DOCK1: variants seen among roughly 807,000 people sequenced by gnomAD.
The protein encoded by DOCK1 is dedicator of cytokinesis protein 1.
A neutral mutation model predicts 262.7 loss-of-function variants in DOCK1; 138 were observed. The ratio of observed to expected loss-of-function variants is 0.53; its 90% CI spans 0.46 to 0.61. The LOEUF (loss-of-function observed/expected upper bound fraction) is 0.61. Ranked by LOEUF, DOCK1 falls within the 20% of genes least tolerant of loss-of-function variation. The pLI is 0.00. For missense variants in DOCK1, 1,908 were observed against 2,370.7 expected (o/e 0.80, Z 4.05); for synonymous variants, 866 against 867.4 (o/e 1.00, Z 0.03).
intron 29 of DOCK1, among the ~76,000 whole-genome samples, chr10:127,286,474 A>G (rs776725238): frequency 2.0e-5 from 3 of 152,226 alleles, no homozygotes; most frequent in Admixed American, 6.5e-5. Context: ...TCATACATGT[A>G]CAGAAGTAGA....
intron 47 of DOCK1, among the ~76,000 whole-genome samples, chr10:127,431,437 T>C (rs989974890): frequency 1.3e-5 from 2 of 152,190 alleles, no homozygotes; most frequent in African/African-American, 4.8e-5. Flanking sequence ...CTCACACATC[T>C]CAACCAAGAC....
At chr10:127,010,047 G>C (rs1010121396) in intron 11 of DOCK1, among the ~76,000 whole-genome samples, 2 of 152,204 alleles carry the variant, frequency 1.3e-5, no homozygotes, top group African/African-American at 4.8e-5. Flanking sequence ...TGAGCTGGGA[G>C]TCAGGGTTAA....
intron 29 of DOCK1, among the ~76,000 whole-genome samples, chr10:127,288,787 A>ACG (rs893478531): frequency 1.3e-5 from 2 of 150,364 alleles, no homozygotes; most frequent in East Asian, 3.9e-4. Context: ...ACACACACAC[A>ACG]CACACACACA....
At chr10:127,263,117 G>A (rs1042892042) in intron 29 of DOCK1, among the ~76,000 whole-genome samples, 7 of 152,122 alleles carry the variant, frequency 4.6e-5, no homozygotes, top group Non-Finnish European at 7.4e-5. Context: ...TTTCCACAAG[G>A]TTTACTGCTT....
intron 30 of DOCK1, among the ~76,000 whole-genome samples, chr10:127,340,250 G>A (rs1364455605): frequency 1.3e-5 from 2 of 152,084 alleles, no homozygotes; most frequent in Non-Finnish European, 2.9e-5. Flanking sequence ...CAATATATAT[G>A]TGCTGAATAT....
At chr10:126,965,464 G>C (rs1405393356) in intron 1 of DOCK1, among the ~76,000 whole-genome samples, 1 of 152,162 alleles carries the variant, frequency 6.6e-6, no homozygotes, top group East Asian at 1.9e-4. Context: ...AAGGTAACTG[G>C]TGATGGAGAG....
intron 29 of DOCK1, among the ~76,000 whole-genome samples, chr10:127,288,642 C>A (rs2061242288): frequency 6.6e-6 from 1 of 151,704 alleles, no homozygotes; most frequent in Admixed American, 6.6e-5. Flanking sequence ...GTCTCTTACA[C>A]TGAAAATTTG....
chr10:127,405,489 CTA>C (rs1033965391), intron 40 of DOCK1, among the ~76,000 whole-genome samples: 8 of 142,290 alleles, frequency 5.6e-5, no homozygotes, highest in African/African-American at 1.3e-4. Flanking sequence ...TCCTAGGAGA[CTA>C]TGTGTGATTG....
At chr10:126,991,337 A>G (rs12243316) in intron 6 of DOCK1, among the ~76,000 whole-genome samples, 2,841 of 152,226 alleles carry the variant, frequency 0.019, 68 homozygotes, top group African/African-American at 0.057. Flanking sequence ...CCACCTGGTA[A>G]TATTTAGTTT....
At chr10:127,353,291 C>T (rs961569821) in intron 31 of DOCK1, among the ~76,000 whole-genome samples, 6 of 152,158 alleles carry the variant, frequency 3.9e-5, no homozygotes, top group Non-Finnish European at 7.3e-5. Context: ...CAGCCCTGGC[C>T]GCAGCAGCTG....
At chr10:127,005,463 A>G (rs1400548791) in intron 10 of DOCK1, among the ~76,000 whole-genome samples, 2 of 152,240 alleles carry the variant, frequency 1.3e-5, no homozygotes, top group East Asian at 3.8e-4. Flanking sequence ...GGCTTTCTTT[A>G]GAATGACTTC....
chr10:126,925,865 G>C (rs2033675561), intron 1 of DOCK1, among the ~76,000 whole-genome samples: 2 of 151,832 alleles, frequency 1.3e-5, no homozygotes, highest in Non-Finnish European at 2.9e-5. Context: ...TGTGATGTGG[G>C]GTGTGCCTGC....
chr10:127,042,584 G>A (rs752058491), intron 19 of DOCK1, 41 bp from the exon 20 acceptor site: 6 of 1,568,624 alleles, frequency 3.8e-6, no homozygotes, highest in Admixed American at 3.3e-5. Flanking sequence ...GGGGAAGTCC[G>A]GTGGGTTCAC....
intron 27 of DOCK1, among the ~76,000 whole-genome samples, chr10:127,229,436 T>C (rs1199659879): frequency 6.6e-6 from 1 of 152,188 alleles, no homozygotes; most frequent in Non-Finnish European, 1.5e-5. Flanking sequence ...TACTTTCTGC[T>C]TCTATGAGTT....
chr10:127,153,548 C>T (rs1268357764), intron 27 of DOCK1, among the ~76,000 whole-genome samples: 2 of 152,176 alleles, frequency 1.3e-5, no homozygotes, highest in Non-Finnish European at 1.5e-5. Context: ...ACAGCCTTTC[C>T]AGAACACAGA....
rs1226466578 is a variant in DOCK1, at chr10:127,023,112, AT to A, written c.1328-87del. 1.1e-5 allele frequency: 16 copies of A among 1,406,078 alleles called. No individual in the cohort carries two copies. In the East Asian group the frequency reaches 3.6e-4, roughly 31 times the overall value. 87.1% of individuals were successfully genotyped at this position (1,406,078 alleles called of 1,614,324 possible). On this transcript the variant is annotated intron_variant, in intron 13 of 51. Transcript: ENST00000623213. ...ATCTAATATGTATTTGTAATAATCT[AT>A]GAGGATAGGTAGACAGTCTTGCAAA...
At chr10:126,938,571 A>G (rs923868089) in intron 1 of DOCK1, among the ~76,000 whole-genome samples, 6 of 152,126 alleles carry the variant, frequency 3.9e-5, no homozygotes, top group Admixed American at 6.5e-5. Context: ...TTCTTAGTCC[A>G]TTTGTGCTGC....
chr10:127,132,736 TGATA>T (rs932360181), intron 27 of DOCK1, among the ~76,000 whole-genome samples: 2 of 152,192 alleles, frequency 1.3e-5, no homozygotes, highest in African/African-American at 4.8e-5. Context: ...CCGTCTCCTG[TGATA>T]CGCGCTGCTG....
In DOCK1 at chr10:127,127,668, G is replaced by A; in HGVS notation, c.2752-1G>A. Reference sequence around the variant, plus strand: ...GTGTTCATTGGTGTGTCCTTCCCCAGGGGCCAACCCAGAGGCACGTCCAGA... The same window carrying A: ...GTGTTCATTGGTGTGTCCTTCCCCAAGGGCCAACCCAGAGGCACGTCCAGA... On this transcript the variant is annotated splice_acceptor_variant, in intron 26 of 51. Transcript: ENST00000623213. LOFTEE classifies it high-confidence loss of function. 6.2e-7 allele frequency: 1 copy of A among 1,610,438 alleles called. No homozygotes were observed. Among genetic ancestry groups the A allele is most frequent in the Non-Finnish European group, 8.5e-7 (1 of 1,177,282 alleles).
Sources: gnomAD v4.1 joint callset for allele counts (sites outside exome capture counted in the v4.1 genomes callset) on GRCh38, gnomAD v4.1.1 for gene constraint, MANE v1.5 for transcripts, NCBI Gene and HGNC (gene_info 2026-07-23, HGNC 2026-07-21) for gene names.